ABI2: variants seen among roughly 807,000 people sequenced by gnomAD.
The protein encoded by ABI2 is abelson interactor 2.
ABI2 carries 25 observed loss-of-function variants against 59.2 expected under a neutral mutation model. The ratio of observed to expected loss-of-function variants is 0.42; its 90% CI spans 0.31 to 0.59. The LOEUF (loss-of-function observed/expected upper bound fraction) is 0.59, where lower values mean the gene tolerates loss of function less well. Ranked by LOEUF, ABI2 falls within the 20% of genes least tolerant of loss-of-function variation. The probability of loss-of-function intolerance (pLI) is 0.14; values close to 1 mark genes in which losing one functional copy is unlikely to be tolerated. For synonymous variants in ABI2, 213 were observed against 235.5 expected (o/e 0.90, Z 0.87); for missense variants, 545 against 681.8 (o/e 0.80, Z 2.23).
At chr2:203,417,630 G>C (rs1006556945) in intron 11 of ABI2, among the ~76,000 whole-genome samples, 2 of 152,164 alleles carry the variant, frequency 1.3e-5, no homozygotes, top group Admixed American at 1.3e-4. Flanking sequence ...AATGTGTGCT[G>C]TCTGGAAGGA....
At chr2:203,376,073 G>C in intron 2 of ABI2, 1 of 1,534,892 alleles carries the variant, frequency 6.5e-7, no homozygotes, top group Non-Finnish European at 8.7e-7. Context: ...TAGAGGCGTT[G>C]ATCTTGAGTC....
chr2:203,372,506 C>T (rs1390069855), intron 2 of ABI2, among the ~76,000 whole-genome samples: 9 of 150,350 alleles, frequency 6.0e-5, no homozygotes, highest in Admixed American at 1.3e-4. Context: ...TAGGGGCGGC[C>T]GGGCAGAGGC....
chr2:203,375,960 AGTAT>A (rs2095651898), intron 2 of ABI2: 1 of 888,734 alleles, frequency 1.1e-6, no homozygotes, highest in African/African-American at 1.7e-5. Context: ...CCCGTGTGGT[AGTAT>A]GATGGCAAGA....
Position 203,367,049 on chromosome 2 carries a change from G to T in ABI2, c.285+5G>T. 2 of 1,609,374 alleles carry T rather than the reference G, an allele frequency of 1.2e-6. No individual in the cohort carries two copies. Among genetic ancestry groups the T allele is most frequent in the South Asian group, 2.2e-5 (2 of 90,158 alleles). Reference sequence around the variant, plus strand: ...TCAATCAATCATATTTCACAAGTGAGACCACAATATTTTCCTATTTGCCTA... The same window carrying T: ...TCAATCAATCATATTTCACAAGTGATACCACAATATTTTCCTATTTGCCTA... On this transcript the variant is annotated splice_donor_5th_base_variant and intron_variant, in intron 2 of 11. Coordinates refer to ENST00000261018, the MANE Select transcript of ABI2 (RefSeq NM_001375670.1).
intron 10 of ABI2, among the ~76,000 whole-genome samples, chr2:203,416,325 C>T (rs369100486): frequency 3.3e-5 from 5 of 151,532 alleles, no homozygotes; most frequent in Admixed American, 6.6e-5. Context: ...TTTTGAGATG[C>T]GGTCTTGCCC....
At chr2:203,339,580 CA>C (rs943110280) in intron 1 of ABI2, among the ~76,000 whole-genome samples, 106 of 59,116 alleles carry the variant, frequency 1.8e-3, no homozygotes, top group Middle Eastern at 0.011. Flanking sequence ...GACTCCGTCT[CA>C]AAAAAAAAAA....
chr2:203,404,848 C>T (rs1407715842), intron 9 of ABI2, among the ~76,000 whole-genome samples: 3 of 152,142 alleles, frequency 2.0e-5, no homozygotes, highest in Admixed American at 6.5e-5. Context: ...TGTGAGCCAC[C>T]GCACCCGGCC....
intron 1 of ABI2, among the ~76,000 whole-genome samples, chr2:203,343,452 T>A (rs2081285536): frequency 6.6e-6 from 1 of 152,208 alleles, no homozygotes; most frequent in African/African-American, 2.4e-5. Context: ...ATTCCAGGTT[T>A]TTTTTTCCTT....
chr2:203,423,756 A>C (rs1482390132), intron 11 of ABI2, among the ~76,000 whole-genome samples: 1 of 152,158 alleles, frequency 6.6e-6, no homozygotes, highest in Non-Finnish European at 1.5e-5. Flanking sequence ...TGGTACCATT[A>C]TTCTTTGCTT....
Position 203,430,217 on chromosome 2 carries a change from T to C in ABI2, c.*2865T>C, listed in dbSNP as rs564105782. 1 of 152,250 alleles carries C rather than the reference T, an allele frequency of 6.6e-6. No homozygotes were observed. The highest frequency in any genetic ancestry group is 1.5e-5 in the Non-Finnish European group (1 of 68,024). 9.4% of individuals were successfully genotyped at this position (152,250 alleles called of 1,614,324 possible). A position where few individuals can be genotyped will look rare whatever the true frequency, so the allele number is the denominator to read the frequency against. ...GTAAGTTTCCCTCTTTTTTTATAAA[T>C]TAAAAGATGGTTGGTATTAGGAATT... is the stretch of plus-strand genomic sequence containing the variant. On this transcript the variant is annotated 3_prime_UTR_variant, in exon 12 of 12. Coordinates refer to ENST00000261018, the MANE Select transcript of ABI2 (RefSeq NM_001375670.1).
At chr2:203,427,143 C>A (rs374632967) in intron 11 of ABI2, 34 bp from the exon 12 acceptor site, 93 of 1,591,250 alleles carry the variant, frequency 5.8e-5, no homozygotes, top group Admixed American at 8.4e-5. Flanking sequence ...ATATTACTGT[C>A]TTTCACATCC....
intron 1 of ABI2, among the ~76,000 whole-genome samples, chr2:203,358,570 C>T (rs1053677860): frequency 1.1e-4 from 16 of 152,206 alleles, no homozygotes; most frequent in Non-Finnish European, 2.2e-4. Context: ...TTCTGTGTCT[C>T]GTTTCTGCTT....
intron 1 of ABI2, among the ~76,000 whole-genome samples, chr2:203,340,724 T>C (rs1204668786): frequency 6.6e-6 from 1 of 152,174 alleles, no homozygotes; most frequent in Admixed American, 6.5e-5. Flanking sequence ...AATGATTATC[T>C]TGATTGTGAT....
intron 2 of ABI2, among the ~76,000 whole-genome samples, chr2:203,378,175 C>G (rs1321057731): frequency 1.3e-5 from 2 of 150,950 alleles, no homozygotes; most frequent in Non-Finnish European, 2.9e-5. Flanking sequence ...TGCAGTGGCA[C>G]AATCTCGGCT....
At chr2:203,342,062 T>C (rs1575918766) in intron 1 of ABI2, 1 of 359,890 alleles carries the variant, frequency 2.8e-6, no homozygotes, top group East Asian at 7.6e-5. Context: ...AGAGAGGAAT[T>C]ATGTTCATTT....
intron 1 of ABI2, among the ~76,000 whole-genome samples, chr2:203,351,348 G>A (rs2088222127): frequency 6.6e-6 from 1 of 151,910 alleles, no homozygotes; most frequent in African/African-American, 2.4e-5. Context: ...TAAATTTTAG[G>A]ATCATTTGTT....
At chr2:203,344,866 C>G (rs1373659808) in intron 1 of ABI2, among the ~76,000 whole-genome samples, 1 of 152,132 alleles carries the variant, frequency 6.6e-6, no homozygotes, top group Non-Finnish European at 1.5e-5. Context: ...CTGTGTCTTG[C>G]TAAAGGTTTG....
Position 203,328,406 on chromosome 2 carries a change from C to A in ABI2, c.-109C>A. The A allele has an allele frequency of 1.1e-6, 1 of 886,922 alleles. No homozygotes were observed. Among genetic ancestry groups the A allele is most frequent in the Admixed American group, 2.3e-5 (1 of 43,652 alleles). The allele number at this position is 886,922 out of a possible 1,614,324, so 54.9% of individuals were successfully genotyped here. A position where few individuals can be genotyped will look rare whatever the true frequency, so the allele number is the denominator to read the frequency against. ...GCTGTTTCTCGCTCCTTCCGAGTTACCGCCGCCGTCGCCGCCGCTCCTCCT... is the reference window on the plus strand; with the variant it reads ...GCTGTTTCTCGCTCCTTCCGAGTTAACGCCGCCGTCGCCGCCGCTCCTCCT... On this transcript the variant is annotated 5_prime_UTR_variant, in exon 1 of 12. Coordinates refer to ENST00000261018, the MANE Select transcript of ABI2 (RefSeq NM_001375670.1).
At position 203,416,968 on chromosome 2, in the gene ABI2, C is replaced by A. The variant is rs770561196; in HGVS notation, c.1340C>A (p.Pro447Gln). The A allele has an allele frequency of 1.6e-5, 26 of 1,614,010 alleles. No homozygotes were observed. The highest frequency in any genetic ancestry group is 2.1e-5 in the Non-Finnish European group (25 of 1,180,016). Residue 447 changes from proline to glutamine, a missense_variant, in exon 11 of 12, where the codon CCA becomes CAA. This residue lies in a region of ABI2 where 410 missense variants were observed against 435.6 expected (regional missense o/e 0.94). Transcript: ENST00000261018. Reference protein sequence around the residue: ...VEEPVFDESPPPPPPPEDYEE... With the variant: ...VEEPVFDESPQPPPPPEDYEE... ...GAACCAGTCTTTGATGAGTCTCCCC[C>A]ACCTCCTCCTCCTCCAGAAGATTAC... is the stretch of plus-strand genomic sequence containing the variant.
Sources: gnomAD v4.1 joint callset for allele counts (sites outside exome capture counted in the v4.1 genomes callset) on GRCh38, gnomAD v4.1.1 for gene constraint, gnomAD v4.1.1 regional missense constraint, MANE v1.5 for transcripts, NCBI Gene and HGNC (gene_info 2026-07-23, HGNC 2026-07-21) for gene names.